The following NTM variants were observed in gnomAD, a reference collection of about 807,000 sequenced individuals.
The protein encoded by NTM is neurotrimin.
Under a neutral mutation model 42.1 loss-of-function variants are expected in NTM, and 13 were observed. The observed-to-expected ratio is 0.31, with a 90% confidence interval of 0.20 to 0.49. The LOEUF (loss-of-function observed/expected upper bound fraction) is 0.49, where lower values mean the gene tolerates loss of function less well. Ranked by LOEUF, NTM falls within the 20% of genes least tolerant of loss-of-function variation. The probability of loss-of-function intolerance (pLI) is 0.99; values close to 1 mark genes in which losing one functional copy is unlikely to be tolerated. For missense variants in NTM, 373 were observed against 452.8 expected, an observed-to-expected ratio of 0.82 and a Z score of 1.60; for synonymous variants, 187 against 179.2, an observed-to-expected ratio of 1.04 and a Z score of -0.35.
intron 1 of NTM, among the ~76,000 whole-genome samples, chr11:131,521,063 G>A (rs911774431): frequency 2.6e-5 from 4 of 152,018 alleles, no homozygotes; most frequent in South Asian, 2.1e-4. Flanking sequence ...GGTGGCTCAT[G>A]CCTGTAATCC....
intron 2 of NTM, among the ~76,000 whole-genome samples, chr11:132,078,010 A>G (rs1335041007): frequency 6.6e-6 from 1 of 152,252 alleles, no homozygotes; most frequent in Admixed American, 6.5e-5. Context: ...CACTTGAAAA[A>G]TAGAAATGTA....
chr11:131,712,790 C>T lies in NTM; in HGVS notation c.83-198774C>T, dbSNP rs761149839. ...GTAGAGACGGGGTTTTTCCATGTTG[C>T]CCAGTACGTCTCAAACTCCTGAGTT... On this transcript the variant is annotated intron_variant, in intron 1 of 8. Coordinates refer to ENST00000683400, the MANE Select transcript of NTM (RefSeq NM_001352005.2). Among the ~76,000 whole-genome samples, 31 of 151,934 alleles carry T rather than the reference C, an allele frequency of 2.0e-4. 1 individual carries two copies. The highest frequency in any genetic ancestry group is 5.9e-5 in the Non-Finnish European group (4 of 67,994).
At chr11:131,458,883 C>T (rs1014041809) in intron 1 of NTM, among the ~76,000 whole-genome samples, 1 of 152,244 alleles carries the variant, frequency 6.6e-6, no homozygotes, top group African/African-American at 2.4e-5. Context: ...GTAGTCCAAG[C>T]ATTTACATTT....
chr11:131,867,541 T>C lies in NTM; in HGVS notation c.83-44023T>C, dbSNP rs1488614234. Reference sequence around the variant, plus strand: ...TGTGTATTGTGTAAGTGTATCTGTGTGTGTGCGTGTTTGGGTGTCTGTGTG... The same window carrying C: ...TGTGTATTGTGTAAGTGTATCTGTGCGTGTGCGTGTTTGGGTGTCTGTGTG... On this transcript the variant is annotated intron_variant, in intron 1 of 8. Transcript: ENST00000683400. Among the ~76,000 whole-genome samples the C allele has an allele frequency of 1.3e-5, 2 of 152,024 alleles. 1 individual carries two copies. Among genetic ancestry groups the C allele is most frequent in the Admixed American group, 1.3e-4 (2 of 15,250 alleles).
intron 1 of NTM, among the ~76,000 whole-genome samples, chr11:131,761,341 C>G (rs551795881): frequency 1.8e-4 from 27 of 152,256 alleles, no homozygotes; most frequent in African/African-American, 5.8e-4. Flanking sequence ...GAAATTAAAA[C>G]CCAAGGGTTA....
At chr11:132,215,169 G>T (rs139976293) in intron 4 of NTM, among the ~76,000 whole-genome samples, 27 of 152,354 alleles carry the variant, frequency 1.8e-4, no homozygotes, top group African/African-American at 6.0e-4. Context: ...TCCAAAGAAA[G>T]AGCGCTGTTG....
At chr11:131,855,004 C>A (rs116412785) in intron 1 of NTM, among the ~76,000 whole-genome samples, 2 of 152,022 alleles carry the variant, frequency 1.3e-5, no homozygotes, top group African/African-American at 2.4e-5. Context: ...AATGAAGATG[C>A]GGATGTGTGG....
At chr11:131,642,197 C>T (rs906044317) in intron 1 of NTM, among the ~76,000 whole-genome samples, 1 of 152,140 alleles carries the variant, frequency 6.6e-6, no homozygotes, top group African/African-American at 2.4e-5. Context: ...AAGCAGGCAA[C>T]ATGGAGCCTC....
At chr11:131,974,619 G>T (rs2064043216) in intron 2 of NTM, among the ~76,000 whole-genome samples, 1 of 152,146 alleles carries the variant, frequency 6.6e-6, no homozygotes, top group African/African-American at 2.4e-5. Context: ...TGGGCTCTTG[G>T]ATCTGACTGC....
At chr11:131,896,459 C>A (rs1477489825) in intron 1 of NTM, among the ~76,000 whole-genome samples, 1 of 152,160 alleles carries the variant, frequency 6.6e-6, no homozygotes, top group Non-Finnish European at 1.5e-5. Flanking sequence ...TAGAGACCTG[C>A]TACAAGGATG....
At chr11:132,256,170 A>G (rs571402442) in intron 4 of NTM, among the ~76,000 whole-genome samples, 8 of 152,130 alleles carry the variant, frequency 5.3e-5, no homozygotes, top group Non-Finnish European at 1.0e-4. Context: ...ACCACACACA[A>G]TGGTTCTAAC....
intron 1 of NTM, among the ~76,000 whole-genome samples, chr11:131,670,611 G>A (rs967860498): frequency 2.5e-4 from 38 of 152,122 alleles, no homozygotes; most frequent in Admixed American, 5.2e-4. Flanking sequence ...GTGAGGCCAA[G>A]GGAAATGGAC....
At chr11:131,947,713 G>A (rs994981588) in intron 2 of NTM, among the ~76,000 whole-genome samples, 3 of 152,268 alleles carry the variant, frequency 2.0e-5, no homozygotes, top group East Asian at 1.9e-4. Context: ...AGTCAGTTAC[G>A]TATATGGGGG....
chr11:132,072,205 C>T (rs1009790584), intron 2 of NTM, among the ~76,000 whole-genome samples: 2 of 152,170 alleles, frequency 1.3e-5, no homozygotes, highest in African/African-American at 2.4e-5. Flanking sequence ...CTGCAAACCC[C>T]CCAAGCAGCC....
intron 1 of NTM, among the ~76,000 whole-genome samples, chr11:131,760,820 C>A: frequency 6.6e-6 from 1 of 152,170 alleles, no homozygotes; most frequent in Non-Finnish European, 1.5e-5. Context: ...CTAAGGAAAC[C>A]TGTTCCAGGG....
chr11:131,722,240 G>T (rs1023568222), intron 1 of NTM, among the ~76,000 whole-genome samples: 3 of 152,026 alleles, frequency 2.0e-5, no homozygotes, highest in African/African-American at 7.2e-5. Context: ...GTTCTCAAAG[G>T]TTCCGGACCT....
At chr11:131,707,157 C>T (rs1352194636) in intron 1 of NTM, among the ~76,000 whole-genome samples, 4 of 151,982 alleles carry the variant, frequency 2.6e-5, no homozygotes, top group African/African-American at 9.7e-5. Context: ...CCCCTTACCC[C>T]ATCACCCCAC....
intron 2 of NTM, among the ~76,000 whole-genome samples, chr11:132,072,947 G>A (rs1034296666): frequency 3.3e-5 from 5 of 152,156 alleles, no homozygotes; most frequent in African/African-American, 9.7e-5. Context: ...CTCTTTGAAA[G>A]TTACTCTATG....
At chr11:131,438,592 A>C (rs1949342181) in intron 1 of NTM, among the ~76,000 whole-genome samples, 1 of 152,088 alleles carries the variant, frequency 6.6e-6, no homozygotes, top group Non-Finnish European at 1.5e-5. Context: ...AAGTTTGTGC[A>C]TGTGTCACGT....
Sources: allele counts gnomAD v4.1 joint callset (sites outside exome capture counted in the v4.1 genomes callset), GRCh38; gene constraint gnomAD v4.1.1; transcripts MANE v1.5; gene names NCBI Gene and HGNC (gene_info 2026-07-23, HGNC 2026-07-21).